MAGI3: variants seen among roughly 807,000 people sequenced by gnomAD.
MAGI3 encodes membrane-associated guanylate kinase, WW and PDZ domain-containing protein 3.
Under a neutral mutation model 121.8 loss-of-function variants are expected in MAGI3, and 43 were observed. The observed-to-expected ratio is 0.35, with a 90% CI of 0.28 to 0.46. MAGI3 has a LOEUF of 0.46. Ranked by LOEUF, MAGI3 falls within the 20% of genes least tolerant of loss-of-function variation. The pLI, the probability that MAGI3 is intolerant of heterozygous loss-of-function variation, is 1.00. For synonymous variants in MAGI3, 553 were observed against 639.3 expected (o/e 0.86, Z 2.04); for missense variants, 1,547 against 1,797.3 (o/e 0.86, Z 2.52).
intron 1 of MAGI3, among the ~76,000 whole-genome samples, chr1:113,525,185 C>T (rs971542278): frequency 2.0e-5 from 3 of 152,192 alleles, no homozygotes; most frequent in Admixed American, 6.5e-5. Flanking sequence ...AACATGAAAA[C>T]GGACTAATAC....
At chr1:113,564,329 C>A (rs532626284) in intron 2 of MAGI3, among the ~76,000 whole-genome samples, 1 of 152,200 alleles carries the variant, frequency 6.6e-6, no homozygotes, top group East Asian at 1.9e-4. Flanking sequence ...GAAGAAATGA[C>A]AAATGAACCC....
intron 8 of MAGI3, among the ~76,000 whole-genome samples, chr1:113,620,153 G>T (rs779662419): frequency 6.6e-6 from 1 of 152,082 alleles, no homozygotes; most frequent in African/African-American, 2.4e-5. Context: ...CCAGTTCATC[G>T]TTAGCTTTTC....
intron 1 of MAGI3, among the ~76,000 whole-genome samples, chr1:113,411,902 T>G (rs1442900356): frequency 6.6e-6 from 1 of 152,128 alleles, no homozygotes. Flanking sequence ...TACGTTAAGT[T>G]CTGGGGTGCA....
At chr1:113,563,130 G>C (rs1353181631) in intron 2 of MAGI3, among the ~76,000 whole-genome samples, 3 of 152,196 alleles carry the variant, frequency 2.0e-5, no homozygotes, top group Non-Finnish European at 4.4e-5. Flanking sequence ...TTATGATCAA[G>C]TGGAGTTTGT....
chr1:113,566,997 A>G (rs185132767), intron 2 of MAGI3, among the ~76,000 whole-genome samples: 222 of 151,906 alleles, frequency 1.5e-3, no homozygotes, highest in African/African-American at 5.2e-3. Flanking sequence ...CAACCAAACC[A>G]GGAGTTGTTT....
At chr1:113,663,144 G>C (rs984350004) in intron 16 of MAGI3, among the ~76,000 whole-genome samples, 1 of 151,904 alleles carries the variant, frequency 6.6e-6, no homozygotes, top group African/African-American at 2.4e-5. Context: ...AGAATCACTT[G>C]AACCCGGGAG....
chr1:113,430,117 A>G (rs1653225408), intron 1 of MAGI3, among the ~76,000 whole-genome samples: 1 of 152,160 alleles, frequency 6.6e-6, no homozygotes, highest in Non-Finnish European at 1.5e-5. Context: ...ATTTTAACAT[A>G]TAATATAGAA....
chr1:113,589,110 GCA>G (rs1373284373), intron 4 of MAGI3, among the ~76,000 whole-genome samples: 2 of 152,028 alleles, frequency 1.3e-5, no homozygotes, highest in African/African-American at 4.8e-5. Context: ...GAGTCAATGG[GCA>G]CAGTTTCTGT....
At chr1:113,414,192 G>T (rs1652170045) in intron 1 of MAGI3, among the ~76,000 whole-genome samples, 1 of 152,140 alleles carries the variant, frequency 6.6e-6, no homozygotes, top group South Asian at 2.1e-4. Flanking sequence ...ATTGATTTGT[G>T]TATGTTGAAC....
chr1:113,642,181 C>T lies in MAGI3; in HGVS notation c.1631C>T (p.Ser544Leu), dbSNP rs767631910. 180 of 1,613,996 alleles carry T rather than the reference C, an allele frequency of 1.1e-4. No individual in the cohort carries two copies. Among genetic ancestry groups the T allele is most frequent in the Non-Finnish European group, 1.4e-4 (169 of 1,180,040 alleles). ...GAMVLEQNGK[S>L]GHTLTGDGLN... ...ATGGTTCTGGAGCAGAATGGAAAAT[C>T]GGGACACACTTTGACTGGTGATGGT... is the stretch of plus-strand genomic sequence containing the variant. Residue 544 changes from serine (S) to leucine (L), a missense_variant, in exon 10 of 21, where the codon TCG (serine) becomes TTG (leucine). By Grantham distance (145) the Ser-to-Leu change is moderately radical. Transcript: ENST00000307546.
chr1:113,601,645 C>A (rs1347640544), intron 6 of MAGI3, among the ~76,000 whole-genome samples: 20 of 147,984 alleles, frequency 1.4e-4, no homozygotes, highest in African/African-American at 2.3e-4. Flanking sequence ...TAGTTCAACC[C>A]TTGTGGAAGT....
In MAGI3 at chr1:113,390,959, C is replaced by A. The variant is rs1650754928; in HGVS notation, c.-75C>A. On this transcript the variant is annotated 5_prime_UTR_variant, in exon 1 of 21. Coordinates refer to ENST00000307546, the MANE Select transcript of MAGI3 (RefSeq NM_001142782.2). ...GGGCTGCGCGGGCCGCCCAGGGCCC[C>A]CGGGCTGAGACGGGGCCGGAGCGGC... is the stretch of plus-strand genomic sequence containing the variant. 3.0e-6 allele frequency: 4 copies of A among 1,352,950 alleles called. No homozygotes were observed. The highest frequency in any genetic ancestry group is 3.8e-6 in the Non-Finnish European group (4 of 1,044,594). The allele number at this position is 1,352,950 out of a possible 1,614,324, so 83.8% of individuals were successfully genotyped here.
At chr1:113,597,005 A>G (rs1488105361) in intron 6 of MAGI3, among the ~76,000 whole-genome samples, 3 of 152,222 alleles carry the variant, frequency 2.0e-5, no homozygotes, top group Non-Finnish European at 4.4e-5. Flanking sequence ...AAAAGTCCTC[A>G]TAAAGACTTG....
intron 1 of MAGI3, among the ~76,000 whole-genome samples, chr1:113,549,072 G>A (rs1659656380): frequency 6.6e-6 from 1 of 152,142 alleles, no homozygotes; most frequent in African/African-American, 2.4e-5. Flanking sequence ...TTCTGTTTTG[G>A]CTATCTGAAA....
intron 16 of MAGI3, among the ~76,000 whole-genome samples, chr1:113,660,074 C>A (rs1257784425): frequency 2.6e-5 from 4 of 152,108 alleles, no homozygotes; most frequent in Non-Finnish European, 4.4e-5. Context: ...GTCTTTTATA[C>A]TTCCTGGTTC....
intron 1 of MAGI3, among the ~76,000 whole-genome samples, chr1:113,516,828 A>C (rs1246633085): frequency 6.6e-6 from 1 of 152,098 alleles, no homozygotes; most frequent in Admixed American, 6.6e-5. Flanking sequence ...TAACTTCAGC[A>C]GTGATAAATC....
intron 2 of MAGI3, among the ~76,000 whole-genome samples, chr1:113,568,642 C>G (rs1176663749): frequency 2.0e-5 from 3 of 152,018 alleles, no homozygotes; most frequent in Admixed American, 6.6e-5. Flanking sequence ...AGTAAACACC[C>G]AAGCTTATAT....
intron 1 of MAGI3, among the ~76,000 whole-genome samples, chr1:113,455,136 A>C (rs1654682326): frequency 6.6e-6 from 1 of 152,210 alleles, no homozygotes; most frequent in East Asian, 1.9e-4. Context: ...ATAGAAATAC[A>C]GTAGGATAAA....
At chr1:113,624,938 A>G (rs1005783628) in intron 9 of MAGI3, among the ~76,000 whole-genome samples, 5 of 152,062 alleles carry the variant, frequency 3.3e-5, no homozygotes, top group East Asian at 3.9e-4. Flanking sequence ...TGGATATCCA[A>G]TTTTCCTAGA....
Sources: gnomAD v4.1 joint callset for allele counts (sites outside exome capture counted in the v4.1 genomes callset) on GRCh38, gnomAD v4.1.1 for gene constraint, MANE v1.5 for transcripts, NCBI Gene and HGNC (gene_info 2026-07-23, HGNC 2026-07-21) for gene names.